SEMA3D: variants seen among roughly 807,000 people sequenced by gnomAD.
The protein encoded by SEMA3D is semaphorin 3D.
SEMA3D carries 84 observed loss-of-function variants against 100.1 expected under a neutral mutation model. The ratio of observed to expected loss-of-function variants is 0.84; its 90% CI spans 0.70 to 1.01. The LOEUF (loss-of-function observed/expected upper bound fraction) is 1.01. SEMA3D is among the 50% of genes least tolerant of loss of function. SEMA3D has a pLI of 0.00. For missense variants in SEMA3D, 875 were observed against 934.1 expected, an observed-to-expected ratio of 0.94 and a Z score of 0.82; for synonymous variants, 312 against 320.7, an observed-to-expected ratio of 0.97 and a Z score of 0.29.
At chr7:85,197,759 C>T in the SEMA3D span, among the ~76,000 whole-genome samples, 1 of 152,108 alleles carries the variant, frequency 6.6e-6, no homozygotes, top group Non-Finnish European at 1.5e-5. Flanking sequence ...ACCTATAACC[C>T]TGCAATTCTA....
intron 12 of SEMA3D, among the ~76,000 whole-genome samples, chr7:85,036,621 T>C (rs948461296): frequency 6.6e-6 from 1 of 152,072 alleles, no homozygotes; most frequent in East Asian, 1.9e-4. Context: ...ATCTTTCCAA[T>C]GATTCTATAA....
chr7:85,135,780 TAA>T lies in SEMA3D; in HGVS notation c.-40-13851_-40-13850del, dbSNP rs77193345. On this transcript the variant is annotated intron_variant, in intron 2 of 18. Coordinates refer to ENST00000284136, the MANE Select transcript of SEMA3D (RefSeq NM_001384900.1). ...CCTCTTCCTATCCCTGTTGGCTCAG[TAA>T]AAAAAAAAAAAAAATTATAATAAGA... Among the ~76,000 whole-genome samples, 646 of 142,266 alleles carry T rather than the reference TAA, an allele frequency of 4.5e-3. 4 individuals carry two copies. The highest frequency in any genetic ancestry group is 0.013 in the African/African-American group (496 of 39,554). The allele number at this position is 142,266 out of a possible 152,430, so 93.3% of individuals were successfully genotyped here.
In SEMA3D at chr7:85,054,972, A is replaced by C. The variant is rs192611790; in HGVS notation, c.861+745T>G. On this transcript the variant is annotated intron_variant, in intron 9 of 18. Transcript: ENST00000284136. ...ATGGCACAAAATGGAAGCCTCTCAT[A>C]GAGTATCTGTGTTTATTTATAATTT... is the stretch of plus-strand genomic sequence containing the variant. Among the ~76,000 whole-genome samples the C allele has an allele frequency of 7.0e-4, 107 of 152,258 alleles. 1 individual carries two copies. Among genetic ancestry groups the C allele is most frequent in the African/African-American group, 2.4e-3 (98 of 41,582 alleles).
At chr7:85,018,684 C>T (rs1309145303) in intron 14 of SEMA3D, among the ~76,000 whole-genome samples, 1 of 151,678 alleles carries the variant, frequency 6.6e-6, no homozygotes, top group Non-Finnish European at 1.5e-5. Context: ...TTACTTAGAT[C>T]AGTGGTTCAA....
At chr7:85,116,302 GTATATATTTA>G (rs1381214671) in intron 3 of SEMA3D, among the ~76,000 whole-genome samples, 19 of 142,098 alleles carry the variant, frequency 1.3e-4, no homozygotes, top group South Asian at 1.1e-3. Flanking sequence ...ATTTATATAT[GTATATATTTA>G]TATATATTTA....
chr7:85,005,047 G>A (rs192075402), intron 18 of SEMA3D, among the ~76,000 whole-genome samples: 1 of 151,874 alleles, frequency 6.6e-6, no homozygotes, highest in East Asian at 2.0e-4. Flanking sequence ...AGAGCTGAGA[G>A]CTGAACTCAA....
intron 1 of SEMA3D, among the ~76,000 whole-genome samples, chr7:85,170,646 T>C (rs1240124705): frequency 1.3e-5 from 2 of 151,978 alleles, no homozygotes; most frequent in South Asian, 2.1e-4. Flanking sequence ...TTTTATATTC[T>C]CATTACCATT....
the SEMA3D span, among the ~76,000 whole-genome samples, chr7:85,201,894 A>AT: frequency 4.0e-5 from 6 of 151,458 alleles, no homozygotes; most frequent in Admixed American, 3.3e-4. Context: ...AATAGCTAAT[A>AT]TTTTTTGTAG....
At chr7:85,026,454 A>G (rs941740054) in intron 12 of SEMA3D, among the ~76,000 whole-genome samples, 4 of 152,006 alleles carry the variant, frequency 2.6e-5, no homozygotes, top group Admixed American at 2.0e-4. Flanking sequence ...CTTAAATGAA[A>G]CAAACAATAG....
intron 2 of SEMA3D, among the ~76,000 whole-genome samples, chr7:85,131,707 A>G (rs549305462): frequency 6.6e-6 from 1 of 152,062 alleles, no homozygotes; most frequent in Admixed American, 6.6e-5. Context: ...TCAAAGTATA[A>G]CAATAATGTA....
At position 85,168,862 on chromosome 7, in the gene SEMA3D, AAAG is replaced by A. The variant is rs1323813499; in HGVS notation, c.-172-15126_-172-15124del. Among the ~76,000 whole-genome samples, 330 of 145,342 alleles carry A rather than the reference AAAG, an allele frequency of 2.3e-3. 3 individuals are homozygous for A. Among genetic ancestry groups the A allele is most frequent in the African/African-American group, 8.3e-3 (316 of 38,114 alleles). ...GAAAGAAAGAAAGAAAGAAAGAAAG[AAAG>A]AAAGAAAGAAAGAAAAGAAAGAAAG... On this transcript the variant is annotated intron_variant, in intron 1 of 18. Transcript: ENST00000284136.
At chr7:85,121,435 T>C (rs1187146331) in intron 3 of SEMA3D, among the ~76,000 whole-genome samples, 4 of 152,198 alleles carry the variant, frequency 2.6e-5, no homozygotes, top group Admixed American at 6.6e-5. Flanking sequence ...GTAAGAGTTA[T>C]ATGAAATGTG....
At chr7:85,156,101 A>ATT (rs3078417) in intron 1 of SEMA3D, among the ~76,000 whole-genome samples, 16 of 142,292 alleles carry the variant, frequency 1.1e-4, no homozygotes, top group South Asian at 6.6e-4. Flanking sequence ...AATATAAGTG[A>ATT]TTTTTTTTTT....
intron 4 of SEMA3D, among the ~76,000 whole-genome samples, chr7:85,089,721 T>C (rs1338814274): frequency 6.6e-6 from 1 of 151,924 alleles, no homozygotes; most frequent in African/African-American, 2.4e-5. Flanking sequence ...TCTGTCTCTA[T>C]GAAAAATAAT....
intron 9 of SEMA3D, among the ~76,000 whole-genome samples, chr7:85,047,988 T>C (rs906162495): frequency 6.6e-6 from 1 of 151,818 alleles, no homozygotes; most frequent in Non-Finnish European, 1.5e-5. Flanking sequence ...TTATAGATTT[T>C]AGTTTGAATT....
At position 85,018,356 on chromosome 7, in the gene SEMA3D, T is replaced by C; in HGVS notation, c.1504-63A>G. 2.8e-6 allele frequency: 3 copies of C among 1,056,692 alleles called. No homozygotes were observed. The African/African-American group carries it at 4.7e-5, about 17-fold the overall frequency. 65.5% of individuals were successfully genotyped at this position (1,056,692 alleles called of 1,614,324 possible). Reference sequence around the variant, plus strand: ...TAACAGGTTTTTATATTAAACAATATGTTGTTTTATCTGATGCCATATATC... The same window carrying C: ...TAACAGGTTTTTATATTAAACAATACGTTGTTTTATCTGATGCCATATATC... On this transcript the variant is annotated intron_variant, in intron 14 of 18. Transcript: ENST00000284136.
intron 4 of SEMA3D, among the ~76,000 whole-genome samples, chr7:85,090,702 C>A (rs574574132): frequency 2.6e-5 from 4 of 152,128 alleles, no homozygotes; most frequent in African/African-American, 9.6e-5. Context: ...GAACTGGAGT[C>A]AGAACATCAT....
intron 1 of SEMA3D, among the ~76,000 whole-genome samples, chr7:85,158,894 T>C (rs1431908820): frequency 6.6e-6 from 1 of 152,114 alleles, no homozygotes; most frequent in East Asian, 1.9e-4. Context: ...ATCATCAGAA[T>C]TTTTTCTGTT....
chr7:85,182,167 TA>T (rs1232134588), intron 1 of SEMA3D, among the ~76,000 whole-genome samples: 1 of 152,098 alleles, frequency 6.6e-6, no homozygotes, highest in Non-Finnish European at 1.5e-5. Flanking sequence ...ATATCTTTAT[TA>T]ATTGGGCCTT....
Sources: gnomAD v4.1 joint callset for allele counts (sites outside exome capture counted in the v4.1 genomes callset) on GRCh38, gnomAD v4.1.1 for gene constraint, MANE v1.5 for transcripts, NCBI Gene and HGNC (gene_info 2026-07-23, HGNC 2026-07-21) for gene names.